XRCC4: variants seen among roughly 807,000 people sequenced by gnomAD.
XRCC4 encodes DNA repair protein XRCC4.
XRCC4 carries 28 observed loss-of-function variants against 39.1 expected under a neutral mutation model. That is an observed-to-expected ratio of 0.72 (90% CI 0.53 to 0.98). The LOEUF (loss-of-function observed/expected upper bound fraction) is 0.98. Among genes scored for constraint, XRCC4 ranks in the 50% least tolerant of loss-of-function variants. The probability of loss-of-function intolerance (pLI) is 0.00; values close to 1 mark genes in which losing one functional copy is unlikely to be tolerated. For synonymous variants in XRCC4, 123 were observed against 126.4 expected (o/e 0.97, Z 0.18); for missense variants, 350 against 376.4 (o/e 0.93, Z 0.58).
chr5:83,362,294 C>CAAAGAAAAAAAAAAAAAAAAAA, the XRCC4 span, among the ~76,000 whole-genome samples: 1 of 73,184 alleles, frequency 1.4e-5, no homozygotes, highest in East Asian at 5.0e-4. Context: ...GCTATTTAGG[C>CAAAGAAAAAAAAAAAAAAAAAA]AAAAAAAAAA....
At chr5:83,347,213 G>A (rs757434514) in intron 7 of XRCC4, among the ~76,000 whole-genome samples, 4 of 152,058 alleles carry the variant, frequency 2.6e-5, no homozygotes, top group Admixed American at 6.5e-5. Context: ...AACTATAAAT[G>A]TGTAGAATGA....
At chr5:83,341,959 C>T (rs1219576538) in intron 7 of XRCC4, among the ~76,000 whole-genome samples, 4 of 152,162 alleles carry the variant, frequency 2.6e-5, no homozygotes, top group Non-Finnish European at 2.9e-5. Flanking sequence ...AGGGAAGTTT[C>T]GTTTGTAGCA....
intron 3 of XRCC4, among the ~76,000 whole-genome samples, chr5:83,172,070 C>G (rs1308038935): frequency 6.6e-6 from 1 of 152,112 alleles, no homozygotes; most frequent in South Asian, 2.1e-4. Context: ...TTGCAAAGGA[C>G]AATACATAGT....
At chr5:83,340,155 G>A (rs1052970580) in intron 7 of XRCC4, among the ~76,000 whole-genome samples, 8 of 152,092 alleles carry the variant, frequency 5.3e-5, no homozygotes, top group African/African-American at 1.9e-4. Context: ...TTTAACTCTG[G>A]ACCTTACATG....
intron 7 of XRCC4, among the ~76,000 whole-genome samples, chr5:83,343,420 G>T (rs568188791): frequency 1.8e-4 from 28 of 152,228 alleles, no homozygotes; most frequent in African/African-American, 6.7e-4. Flanking sequence ...CTTCTTGTCT[G>T]TAATAAATCA....
rs181483860 is a variant in XRCC4 at position 83,129,787 on chromosome 5, G to A, written c.315+18584G>A. Among the ~76,000 whole-genome samples the A allele has an allele frequency of 1.8e-3, 279 of 152,034 alleles. 3 individuals carry two copies. Among genetic ancestry groups the A allele is most frequent in the Non-Finnish European group, 2.5e-3 (169 of 67,928 alleles). On this transcript the variant is annotated intron_variant, in intron 3 of 7. Coordinates refer to ENST00000396027, the MANE Select transcript of XRCC4 (RefSeq NM_003401.5). The stretch of plus-strand genomic sequence containing the variant: ...TTTAGCTCTCTGTTATTGGAGTATA[G>A]GAATGCTTGTGATTTTTGTACATTG...
intron 6 of XRCC4, among the ~76,000 whole-genome samples, chr5:83,225,711 T>C (rs1202885997): frequency 6.6e-6 from 1 of 151,804 alleles, no homozygotes; most frequent in African/African-American, 2.4e-5. Context: ...AAGGCTATTA[T>C]TGTTTGCCCT....
intron 3 of XRCC4, among the ~76,000 whole-genome samples, chr5:83,156,283 ATT>A (rs35796754): frequency 1.4e-3 from 187 of 137,258 alleles, no homozygotes; most frequent in Non-Finnish European, 1.6e-3. Flanking sequence ...TTGCCTAAGT[ATT>A]TTTTTTTTTT....
chr5:83,161,072 C>T lies in XRCC4; in HGVS notation c.316-34698C>T, dbSNP rs142647812. Among the ~76,000 whole-genome samples, 21 of 151,638 alleles carry T rather than the reference C, an allele frequency of 1.4e-4. No homozygotes were observed. The East Asian group carries it at 4.1e-3, about 29-fold the overall frequency. ...GAGGAAACTGATGCAGTGAAAGGCACATAGCTAGTAAGTGGCCACAGTGAT... is the reference window on the plus strand; with the variant it reads ...GAGGAAACTGATGCAGTGAAAGGCATATAGCTAGTAAGTGGCCACAGTGAT... On this transcript the variant is annotated intron_variant, in intron 3 of 7. Transcript: ENST00000396027.
intron 1 of XRCC4, among the ~76,000 whole-genome samples, chr5:83,089,217 A>G (rs1297367266): frequency 6.6e-6 from 1 of 152,224 alleles, no homozygotes; most frequent in Non-Finnish European, 1.5e-5. Flanking sequence ...AGGCCAGCAC[A>G]TGGGAATCTA....
At chr5:83,113,215 G>A (rs115187935) in intron 3 of XRCC4, among the ~76,000 whole-genome samples, 2,290 of 152,284 alleles carry the variant, frequency 0.015, 65 homozygotes, top group African/African-American at 0.053. Context: ...ATGCAAGTTC[G>A]AAATCCAATA....
At chr5:83,205,017 A>C in intron 6 of XRCC4, 96 bp downstream of exon 6, 2 of 796,302 alleles carry the variant, frequency 2.5e-6, no homozygotes, top group East Asian at 5.5e-5. Context: ...GTTGTGAAAG[A>C]CCTTATTCTA....
chr5:83,097,786 A>G (rs567912353), intron 1 of XRCC4, among the ~76,000 whole-genome samples: 61 of 152,288 alleles, frequency 4.0e-4, no homozygotes, highest in African/African-American at 1.5e-3. Flanking sequence ...AACTGCAATT[A>G]GAACTAAAGT....
chr5:83,130,368 G>C (rs1186260623), intron 3 of XRCC4, among the ~76,000 whole-genome samples: 5 of 152,128 alleles, frequency 3.3e-5, no homozygotes, highest in Non-Finnish European at 5.9e-5. Flanking sequence ...GATTTGGTTT[G>C]CCAGTATTTT....
chr5:83,087,564 G>A (rs993192122), intron 1 of XRCC4, among the ~76,000 whole-genome samples: 3 of 152,038 alleles, frequency 2.0e-5, no homozygotes, highest in Non-Finnish European at 4.4e-5. Flanking sequence ...TCAGTAGGCT[G>A]AGGCAGGGGA....
chr5:83,368,616 T>C, the XRCC4 span, among the ~76,000 whole-genome samples: 1 of 152,162 alleles, frequency 6.6e-6, no homozygotes, highest in Non-Finnish European at 1.5e-5. Context: ...TGCAAGGCAC[T>C]ATTGGGAAGT....
At chr5:83,363,152 C>T in the XRCC4 span, among the ~76,000 whole-genome samples, 4 of 152,106 alleles carry the variant, frequency 2.6e-5, no homozygotes, top group African/African-American at 4.8e-5. Context: ...CTGGGAGAAG[C>T]GGCCATGCCC....
At chr5:83,093,041 AC>A (rs1176464104) in intron 1 of XRCC4, among the ~76,000 whole-genome samples, 2 of 151,692 alleles carry the variant, frequency 1.3e-5, no homozygotes, top group Admixed American at 6.6e-5. Flanking sequence ...ACACACACAC[AC>A]AAGACCTAAC....
At chr5:83,348,246 C>G (rs1756977259) in intron 7 of XRCC4, among the ~76,000 whole-genome samples, 1 of 152,208 alleles carries the variant, frequency 6.6e-6, no homozygotes, top group Non-Finnish European at 1.5e-5. Context: ...CCTTTGAGGG[C>G]TCCAACCACA....
Sources: gnomAD v4.1 joint callset for allele counts (sites outside exome capture counted in the v4.1 genomes callset) on GRCh38, gnomAD v4.1.1 for gene constraint, MANE v1.5 for transcripts, NCBI Gene and HGNC (gene_info 2026-07-23, HGNC 2026-07-21) for gene names.